The following PROM1 variants were observed in gnomAD, a reference collection of about 807,000 sequenced individuals.
The protein encoded by PROM1 is prominin-1.
PROM1 carries 105 observed loss-of-function variants against 116.9 expected under a neutral mutation model. The observed-to-expected ratio is 0.90, with a 90% CI of 0.77 to 1.06. The LOEUF is 1.06. Ranked by LOEUF, PROM1 falls within the 50% of genes least tolerant of loss-of-function variation. The pLI is 0.00. For synonymous variants in PROM1, 393 were observed against 387.0 expected (o/e 1.02, Z -0.18); for missense variants, 1,122 against 1,045.2 (o/e 1.07, Z -1.01).
chr4:16,018,025 T>TGG lies in PROM1; in HGVS notation c.1002+297_1002+298insCC, dbSNP rs1345228704. Reference sequence around the variant, plus strand: ...AGGCACATATTTAAAAATTTTTTAATTCTTAAAGGTCTACATGAATATATT... The same window carrying TGG: ...AGGCACATATTTAAAAATTTTTTAATGGTCTTAAAGGTCTACATGAATATATT... On this transcript the variant is annotated intron_variant, in intron 9 of 27. Transcript: ENST00000447510. Among the ~76,000 whole-genome samples the TGG allele has an allele frequency of 2.0e-5, 3 of 151,206 alleles. No homozygotes were observed. The East Asian group carries it at 5.8e-4, about 29-fold the overall frequency.
intron 11 of PROM1, 34 bp downstream of exon 11, chr4:16,013,241 C>T (rs781136164): frequency 6.5e-7 from 1 of 1,548,056 alleles, no homozygotes. Context: ...ACTGACCTAC[C>T]AATCACAAAA....
At position 16,060,635 on chromosome 4, in the gene PROM1, A is replaced by C. The variant is rs1740105777; in HGVS notation, c.220+15052T>G. ...TGTGGATGTTTATTTCCCAGAGCCT[A>C]AAACAGAGCCTGACACTCAATAAAC... On this transcript the variant is annotated intron_variant, in intron 2 of 27. Transcript: ENST00000447510. Among the ~76,000 whole-genome samples the C allele has an allele frequency of 2.6e-5, 4 of 152,172 alleles. No homozygotes were observed. The South Asian group carries it at 8.3e-4, about 31-fold the overall frequency.
intron 2 of PROM1, among the ~76,000 whole-genome samples, chr4:16,068,379 A>G (rs1012431462): frequency 1.3e-5 from 2 of 152,234 alleles, no homozygotes; most frequent in African/African-American, 2.4e-5. Context: ...AGAGACAGAT[A>G]GCAGCCTATT....
chr4:16,002,288 T>C lies in PROM1; in HGVS notation c.1455-1669A>G, dbSNP rs1724072805. On this transcript the variant is annotated intron_variant, in intron 13 of 27. Transcript: ENST00000447510. ...ATTTGTCAGACTATGGCAAGTCCAT[T>C]TGAGACAGGAGATCCTAAGTTTGTA... 2.0e-5 allele frequency among the ~76,000 whole-genome samples: 3 copies of C among 152,152 alleles called. No individual in the cohort carries two copies. In the South Asian group the frequency reaches 6.2e-4, roughly 32 times the overall value.
chr4:16,066,092 T>C (rs1741465191), intron 2 of PROM1, among the ~76,000 whole-genome samples: 1 of 152,178 alleles, frequency 6.6e-6, no homozygotes, highest in Admixed American at 6.5e-5. Flanking sequence ...AGATGGAGCG[T>C]GGCCCTGCCC....
chr4:16,041,785 A>AAT (rs200674323), intron 2 of PROM1, among the ~76,000 whole-genome samples: 963 of 37,600 alleles, frequency 0.026, 10 homozygotes, highest in Middle Eastern at 0.08. Context: ...TAAATAAATA[A>AAT]ATATATATAT....
chr4:16,073,583 T>G (rs993458886), intron 2 of PROM1, among the ~76,000 whole-genome samples: 6 of 152,194 alleles, frequency 3.9e-5, no homozygotes, highest in African/African-American at 1.4e-4. Context: ...AATATTATAT[T>G]ACTTAAGCAA....
chr4:16,018,715 C>T (rs1004748725), intron 8 of PROM1, among the ~76,000 whole-genome samples, 175 bp from the exon 9 acceptor site: 4 of 152,186 alleles, frequency 2.6e-5, no homozygotes, highest in African/African-American at 9.7e-5. Context: ...GCTGCTCTAA[C>T]AGCTGCTCCA....
chr4:16,032,041 C>T (rs1252684885), intron 5 of PROM1, among the ~76,000 whole-genome samples: 53 of 152,148 alleles, frequency 3.5e-4, no homozygotes, highest in Non-Finnish European at 1.5e-5. Context: ...CCTCCACAAC[C>T]CTCAATTTCC....
chr4:16,020,128 A>G (rs913658281), intron 8 of PROM1, among the ~76,000 whole-genome samples: 6 of 152,262 alleles, frequency 3.9e-5, no homozygotes, highest in African/African-American at 1.4e-4. Context: ...GGTCTCCCCC[A>G]TGCTCACTAG....
intron 2 of PROM1, among the ~76,000 whole-genome samples, chr4:16,062,974 T>C (rs551511343): frequency 1.3e-5 from 2 of 152,234 alleles, no homozygotes; most frequent in Admixed American, 1.3e-4. Flanking sequence ...TTGAAAGAAT[T>C]GGGCCCATTA....
chr4:16,056,229 G>A (rs2149489907), intron 2 of PROM1, among the ~76,000 whole-genome samples: 1 of 152,140 alleles, frequency 6.6e-6, no homozygotes, highest in Non-Finnish European at 1.5e-5. Flanking sequence ...CTGAGGAAGT[G>A]GAGTAACCAG....
chr4:15,987,248 G>C (rs4586927), intron 20 of PROM1, among the ~76,000 whole-genome samples: 1 of 152,206 alleles, frequency 6.6e-6, no homozygotes, highest in South Asian at 2.1e-4. Context: ...AGGTGCCCCA[G>C]ACAGGAGCTG....
intron 2 of PROM1, among the ~76,000 whole-genome samples, chr4:16,071,314 G>T (rs905965344): frequency 6.6e-6 from 1 of 152,138 alleles, no homozygotes. Context: ...CTGCTGGAAG[G>T]CTTCCTCACC....
intron 13 of PROM1, among the ~76,000 whole-genome samples, chr4:16,004,216 G>A (rs1172014315): frequency 4.6e-5 from 7 of 152,102 alleles, no homozygotes; most frequent in African/African-American, 1.7e-4. Context: ...AGAAATCATA[G>A]CCACCCTAAG....
intron 2 of PROM1, among the ~76,000 whole-genome samples, chr4:16,072,189 T>G (rs1050759425): frequency 6.6e-6 from 1 of 152,158 alleles, no homozygotes; most frequent in Admixed American, 6.5e-5. Context: ...GAATAAGACC[T>G]TTCCATTTTA....
intron 12 of PROM1, among the ~76,000 whole-genome samples, chr4:16,008,138 T>A (rs945886291): frequency 2.0e-5 from 3 of 152,192 alleles, no homozygotes; most frequent in Non-Finnish European, 2.9e-5. Context: ...TATCCTGTGG[T>A]CTTGTATAAG....
In PROM1 at chr4:15,999,247, A is replaced by G. The variant is rs551044735; in HGVS notation, c.1579-759T>C. On this transcript the variant is annotated intron_variant, in intron 14 of 27. Transcript: ENST00000447510. The stretch of plus-strand genomic sequence containing the variant: ...AGCACTTTGGGAGGCCAAGGTGGGC[A>G]GATCACGAGGTCAGGAGATCGAGAC... Among the ~76,000 whole-genome samples the G allele has an allele frequency of 9.2e-5, 14 of 152,030 alleles. No individual in the cohort carries two copies. The East Asian group carries it at 9.9e-4, about 11-fold the overall frequency.
intron 2 of PROM1, among the ~76,000 whole-genome samples, chr4:16,067,769 G>A (rs1741866320): frequency 6.6e-6 from 1 of 152,148 alleles, no homozygotes; most frequent in Non-Finnish European, 1.5e-5. Context: ...TATTCACTCA[G>A]CCGCCCCTTT....
Sources: allele counts gnomAD v4.1 joint callset (sites outside exome capture counted in the v4.1 genomes callset), GRCh38; gene constraint gnomAD v4.1.1; transcripts MANE v1.5; gene names NCBI Gene and HGNC (gene_info 2026-07-23, HGNC 2026-07-21).